Variants in TRPM5 observed in about 807,000 individuals in gnomAD.
TRPM5 encodes MLSN1 and TRP-related.
Under a neutral mutation model 124.9 loss-of-function variants are expected in TRPM5, and 121 were observed. That is an observed-to-expected ratio of 0.97 (90% CI 0.84 to 1.13). TRPM5 has a LOEUF of 1.13. Among genes scored for constraint, TRPM5 ranks in the 50% most tolerant of loss-of-function variants. The pLI, the probability that TRPM5 is intolerant of heterozygous loss-of-function variation, is 0.00. For synonymous variants in TRPM5, 781 were observed against 700.5 expected, an observed-to-expected ratio of 1.11 and a Z score of -1.81; for missense variants, 1,643 against 1,589.1, an observed-to-expected ratio of 1.03 and a Z score of -0.58.
exon 9 of TRPM5, chr11:2,415,156 A>G: frequency 3.2e-6 from 5 of 1,579,352 alleles, no homozygotes; most frequent in Non-Finnish European, 4.3e-6. Flanking sequence ...CCGTCCTGGT[A>G]GAAGCCTCGG....
At position 2,412,359 on chromosome 11, in the gene TRPM5, A is replaced by T. The variant is rs1021044762; in HGVS notation, c.2356-106T>A. Reference sequence around the variant, plus strand: ...TGTAAGGATCAGGGTTCCATCTATGACCAGGGCCGAGGCTACCAGTGGGAC... The same window carrying T: ...TGTAAGGATCAGGGTTCCATCTATGTCCAGGGCCGAGGCTACCAGTGGGAC... On this transcript the variant is annotated intron_variant, in intron 15 of 23. Transcript: ENST00000155858. 6.8e-6 allele frequency: 6 copies of T among 879,018 alleles called. No individual in the cohort carries two copies. The African/African-American group carries it at 9.9e-5, about 15-fold the overall frequency. The allele number at this position is 879,018 out of a possible 1,614,324, so 54.5% of individuals were successfully genotyped here.
At chr11:2,421,732 C>A (rs1845774785) in intron 2 of TRPM5, among the ~76,000 whole-genome samples, 1 of 152,218 alleles carries the variant, frequency 6.6e-6, no homozygotes, top group African/African-American at 2.4e-5. Flanking sequence ...CCGACTGCTT[C>A]CCCAAGGGGT....
chr11:2,412,356 A>C, intron 15 of TRPM5, 103 bp from the exon 21 acceptor site: 1 of 579,780 alleles, frequency 1.7e-6, no homozygotes, highest in Non-Finnish European at 2.6e-6. Context: ...GGTTCCATCT[A>C]TGACCAGGGC....
exon 9 of TRPM5, chr11:2,415,358 C>T: frequency 1.9e-6 from 3 of 1,586,458 alleles, no homozygotes; most frequent in Non-Finnish European, 2.6e-6. Flanking sequence ...GCTCCTGCAG[C>T]CGCCCATACG....
chr11:2,404,855 T>TGGAGGTCGGC (rs990527822), exon 24 of TRPM5: 2 of 1,222,332 alleles, frequency 1.6e-6, no homozygotes, highest in Non-Finnish European at 2.4e-6. Flanking sequence ...GGGGTTCCGC[T>TGGAGGTCGGC]GGAGGTCGGC....
intron 7 of TRPM5, among the ~76,000 whole-genome samples, chr11:2,416,576 C>T (rs771281694): frequency 1.3e-5 from 2 of 152,186 alleles, no homozygotes; most frequent in Non-Finnish European, 2.9e-5. Context: ...TCTCTCAGGC[C>T]ACTGGGACCA....
chr11:2,435,368 A>C, the TRPM5 span, among the ~76,000 whole-genome samples: 1 of 151,542 alleles, frequency 6.6e-6, no homozygotes, highest in Non-Finnish European at 1.5e-5. The surrounding 1 kb of genome is among the most constrained non-coding windows in gnomAD (Gnocchi z 4.1). Context: ...CCACTCACTC[A>C]CCCACCCACT....
At chr11:2,412,135 C>T in exon 16 of TRPM5, 1 of 1,612,526 alleles carries the variant, frequency 6.2e-7, no homozygotes, top group Non-Finnish European at 8.5e-7. Context: ...CCCCACAGAC[C>T]TGCAGGTGAC....
At chr11:2,444,330 C>T in the TRPM5 span, among the ~76,000 whole-genome samples, 3 of 152,060 alleles carry the variant, frequency 2.0e-5, no homozygotes, top group South Asian at 2.1e-4. Context: ...AACCCCAACT[C>T]CGGAGTGGCT....
intron 18 of TRPM5, chr11:2,410,620 C>G: frequency 2.2e-6 from 1 of 446,838 alleles, no homozygotes; most frequent in Non-Finnish European, 4.5e-6. Flanking sequence ...CCCACCAACC[C>G]ATCACTACAG....
At chr11:2,414,582 A>C in intron 11 of TRPM5, 133 bp downstream of exon 16, 1 of 1,280,822 alleles carries the variant, frequency 7.8e-7, no homozygotes, top group Non-Finnish European at 1.0e-6. Flanking sequence ...TCTCCTATGG[A>C]GGAGGCCCCT....
intron 1 of TRPM5, among the ~76,000 whole-genome samples, chr11:2,422,622 C>T (rs533826898): frequency 8.6e-5 from 13 of 151,856 alleles, no homozygotes; most frequent in African/African-American, 3.1e-4. Context: ...CTGGCATCCC[C>T]CTCAGTGAGC....
exon 1 of TRPM5, chr11:2,422,962 C>T: frequency 6.2e-7 from 1 of 1,613,176 alleles, no homozygotes; most frequent in Non-Finnish European, 8.5e-7. Context: ...TGACCTCGCC[C>T]CTGTGCAAGC....
rs1000182251 is a variant in TRPM5 at position 2,413,477 on chromosome 11, T to C, written c.2002A>G (p.Ser668Gly). The change falls in exon 13 of 24, where the codon AGT (serine) becomes GGT (glycine). Residue 668 changes from serine to glycine, a missense_variant and splice_region_variant. Physicochemically the swap from Ser to Gly is moderately conservative, Grantham distance 56. Transcript: ENST00000155858. ...GGGCAGCTCACAGGCCTCACCCACCTGAAGGTGATGAGGTTGGTATAGACG... is the reference window on the plus strand; with the variant it reads ...GGGCAGCTCACAGGCCTCACCCACCCGAAGGTGATGAGGTTGGTATAGACG... 3 of 1,608,270 alleles carry C rather than the reference T, an allele frequency of 1.9e-6. No homozygotes were observed. In the Admixed American group the frequency reaches 5.1e-5, roughly 27 times the overall value.
chr11:2,429,624 G>A, the TRPM5 span, among the ~76,000 whole-genome samples: 1 of 151,692 alleles, frequency 6.6e-6, no homozygotes, highest in Non-Finnish European at 1.5e-5. The surrounding 1 kb of genome is among the most constrained non-coding windows in gnomAD (Gnocchi z 8.4). Context: ...TGGTGATTGT[G>A]GTGGTGATAA....
upstream of TRPM5, among the ~76,000 whole-genome samples, chr11:2,426,195 G>A (rs575176940): frequency 1.3e-5 from 2 of 152,288 alleles, no homozygotes; most frequent in East Asian, 3.9e-4. Flanking sequence ...GACAGAGCTG[G>A]GCACCCAGCA....
chr11:2,411,351 C>T lies in TRPM5; in HGVS notation c.2782+1G>A, dbSNP rs1850447053. ...CCTGCCCCCGCTGGCTGTGTGCAAA[C>T]CATCAATCTCGTCCAGTGGGATCTG... is the stretch of plus-strand genomic sequence containing the variant. On this transcript the variant is annotated splice_donor_variant, in intron 18 of 23. Coordinates refer to ENST00000155858, the Ensembl canonical transcript of TRPM5. LOFTEE classifies it high-confidence loss of function. The T allele has an allele frequency of 6.3e-7, 1 of 1,591,774 alleles. No homozygotes were observed. The highest frequency in any genetic ancestry group is 1.7e-5 in the Admixed American group (1 of 57,564).
Position 2,420,078 on chromosome 11 carries a change from TCTC to T in TRPM5, c.649+141_649+143del. 7 of 324,144 alleles carry T rather than the reference TCTC, an allele frequency of 2.2e-5. 3 individuals carry two copies. The highest frequency in any genetic ancestry group is 2.0e-4 in the Admixed American group (2 of 9,974). The allele number at this position is 324,144 out of a possible 1,614,324, so 20.1% of individuals were successfully genotyped here. A position where few individuals can be genotyped will look rare whatever the true frequency, so the allele number is the denominator to read the frequency against. ...ACGGCCCAGGCCCCCACGGCCCAGG[TCTC>T]GGTGCTCAGGCATGCGGGGTGCGTT... On this transcript the variant is annotated intron_variant, in intron 4 of 23. Coordinates refer to ENST00000155858, the Ensembl canonical transcript of TRPM5.
chr11:2,407,802 C>T (rs145871474), exon 19 of TRPM5: 9 of 1,613,902 alleles, frequency 5.6e-6, no homozygotes, highest in South Asian at 5.5e-5. Flanking sequence ...ACATTGGTGA[C>T]CAACAGGAAG....
Sources: gnomAD v4.1 joint callset for allele counts (sites outside exome capture counted in the v4.1 genomes callset) on GRCh38, gnomAD v4.1.1 for gene constraint, Gnocchi (gnomAD v3.1) non-coding constraint, MANE v1.5 for transcripts, NCBI Gene and HGNC (gene_info 2026-07-23, HGNC 2026-07-21) for gene names.